CNTN6: variants seen among roughly 807,000 people sequenced by gnomAD.
The protein encoded by CNTN6 is contactin 6.
CNTN6 carries 137 observed loss-of-function variants against 122.8 expected under a neutral mutation model. The ratio of observed to expected loss-of-function variants is 1.12; its 90% CI spans 0.97 to 1.29. The LOEUF (loss-of-function observed/expected upper bound fraction) is 1.29. CNTN6 is among the 50% of genes most tolerant of loss of function. The pLI is 0.00. For missense variants in CNTN6, 1,634 were observed against 1,223.4 expected (o/e 1.34, Z -5.01); for synonymous variants, 570 against 426.0 (o/e 1.34, Z -4.16).
At chr3:1,192,954 A>G (rs1356150430) in intron 2 of CNTN6, among the ~76,000 whole-genome samples, 5 of 152,158 alleles carry the variant, frequency 3.3e-5, no homozygotes, top group African/African-American at 1.2e-4. Flanking sequence ...TAAGTGCATA[A>G]GAATCCTAGG....
At chr3:1,282,863 T>C (rs1693706183) in intron 5 of CNTN6, among the ~76,000 whole-genome samples, 1 of 152,200 alleles carries the variant, frequency 6.6e-6, no homozygotes, top group South Asian at 2.1e-4. Flanking sequence ...TCTCAGTGCT[T>C]GGCAGAACGA....
At chr3:1,364,114 G>A (rs1333758054) in intron 12 of CNTN6, among the ~76,000 whole-genome samples, 1 of 151,898 alleles carries the variant, frequency 6.6e-6, no homozygotes, top group African/African-American at 2.4e-5. Context: ...CATGTATATA[G>A]AGGAAGTAAT....
intron 2 of CNTN6, among the ~76,000 whole-genome samples, chr3:1,198,123 C>G (rs2093805179): frequency 6.6e-6 from 1 of 152,108 alleles, no homozygotes; most frequent in South Asian, 2.1e-4. Context: ...CTATGAAGCA[C>G]TTGAGACTTG....
At chr3:1,316,873 G>A (rs1488657403) in intron 7 of CNTN6, among the ~76,000 whole-genome samples, 1 of 151,876 alleles carries the variant, frequency 6.6e-6, no homozygotes, top group Non-Finnish European at 1.5e-5. Context: ...TCAGAAAAGA[G>A]AAATGGTGTC....
chr3:1,292,031 AT>A (rs1169214033), intron 5 of CNTN6, among the ~76,000 whole-genome samples: 1 of 151,462 alleles, frequency 6.6e-6, no homozygotes, highest in East Asian at 1.9e-4. Flanking sequence ...CGTCAAAACA[AT>A]TTTTTTTTGC....
chr3:1,152,114 ATTTAT>A (rs1181271583), intron 2 of CNTN6, among the ~76,000 whole-genome samples: 3 of 151,580 alleles, frequency 2.0e-5, no homozygotes, highest in African/African-American at 7.3e-5. Flanking sequence ...GAAATATTTT[ATTTAT>A]TTATATATTT....
intron 1 of CNTN6, among the ~76,000 whole-genome samples, chr3:1,133,583 T>C (rs1324912109): frequency 1.3e-5 from 2 of 152,192 alleles, no homozygotes; most frequent in Admixed American, 1.3e-4. Context: ...CTGTATAGCA[T>C]GGACTCAGCT....
intron 7 of CNTN6, among the ~76,000 whole-genome samples, chr3:1,311,036 C>T (rs1293034710): frequency 6.6e-6 from 1 of 151,770 alleles, no homozygotes; most frequent in Non-Finnish European, 1.5e-5. Context: ...GAGCTGAGGG[C>T]AGGCAAGGAA....
chr3:1,312,822 T>G (rs1256258660), intron 7 of CNTN6, among the ~76,000 whole-genome samples: 3 of 151,964 alleles, frequency 2.0e-5, no homozygotes, highest in South Asian at 2.1e-4. Context: ...CTTTTTTTTT[T>G]TTTTTTAATT....
At chr3:1,322,550 T>C (rs1315378959) in intron 8 of CNTN6, among the ~76,000 whole-genome samples, 1 of 151,756 alleles carries the variant, frequency 6.6e-6, no homozygotes, top group African/African-American at 2.4e-5. Flanking sequence ...AGATAATTTT[T>C]AAAAAGTATT....
At chr3:1,219,066 T>C (rs1269844960) in intron 2 of CNTN6, among the ~76,000 whole-genome samples, 1 of 152,214 alleles carries the variant, frequency 6.6e-6, no homozygotes, top group South Asian at 2.1e-4. Context: ...ATAAGAAACC[T>C]TGGATTCACA....
chr3:1,119,322 C>CGTGTGTGTGTGTGTGTGTGTGTGTGTGT lies in CNTN6; in HGVS notation c.-83+26206_-83+26233dup, dbSNP rs369235352. ...ATTTGAGAAAGAATAACAGAAAAAT[C>CGTGTGTGTGTGTGTGTGTGTGTGTGTGT]GTGTGTGTGTGTGTGTGTGTGTGTG... is the stretch of plus-strand genomic sequence containing the variant. On this transcript the variant is annotated intron_variant, in intron 1 of 22. Transcript: ENST00000446702. Among the ~76,000 whole-genome samples the CGTGTGTGTGTGTGTGTGTGTGTGTGTGT allele has an allele frequency of 5.1e-3, 645 of 126,536 alleles. 14 individuals are homozygous for CGTGTGTGTGTGTGTGTGTGTGTGTGTGT. The highest frequency in any genetic ancestry group is 8.6e-3 in the African/African-American group (279 of 32,610). 83.0% of individuals were successfully genotyped at this position (126,536 alleles called of 152,430 possible). A position where few individuals can be genotyped will look rare whatever the true frequency, so the allele number is the denominator to read the frequency against.
At chr3:1,093,650 A>G (rs1424522264) in intron 1 of CNTN6, among the ~76,000 whole-genome samples, 1 of 152,034 alleles carries the variant, frequency 6.6e-6, no homozygotes. Context: ...GCAAGACTGG[A>G]GGTCATATGG....
Position 1,295,643 on chromosome 3 carries a change from T to G in CNTN6, c.497T>G (p.Val166Gly). The G allele has an allele frequency of 6.2e-7, 1 of 1,613,902 alleles. No individual in the cohort carries two copies. The highest frequency in any genetic ancestry group is 1.6e-4 in the Middle Eastern group (1 of 6,062). Residue 166 changes from valine (V) to glycine (G), a missense_variant, in exon 6 of 23, where the codon GTC becomes GGC. Physicochemically the swap from Val to Gly is moderately radical, Grantham distance 109. Coordinates refer to ENST00000446702, the MANE Select transcript of CNTN6 (RefSeq NM_001289080.2). Reference protein sequence around the residue: ...AWTFNDNPLYVQEDNRRFVSQ... With the variant: ...AWTFNDNPLYGQEDNRRFVSQ... ...ACCTTCAATGATAACCCCTTATACG[T>G]CCAAGAGGACAATAGGCGATTTGTA...
intron 7 of CNTN6, among the ~76,000 whole-genome samples, chr3:1,313,955 G>A (rs970696798): frequency 1.3e-5 from 2 of 151,942 alleles, no homozygotes; most frequent in Non-Finnish European, 2.9e-5. Context: ...CCACTATGAA[G>A]GCTCTATCTT....
chr3:1,220,521 A>C (rs759395520), intron 2 of CNTN6, among the ~76,000 whole-genome samples, 166 bp from the exon 3 acceptor site: 58 of 152,268 alleles, frequency 3.8e-4, no homozygotes, highest in Non-Finnish European at 7.5e-4. Context: ...ATTGGTTTAC[A>C]AGAGAAAAAA....
intron 1 of CNTN6, among the ~76,000 whole-genome samples, chr3:1,113,442 A>G: frequency 1.3e-5 from 2 of 152,334 alleles, no homozygotes; most frequent in South Asian, 4.1e-4. Flanking sequence ...AAATTATCAT[A>G]TGAAAAATGT....
chr3:1,372,433 G>C lies in CNTN6; in HGVS notation c.1627G>C (p.Asp543His), dbSNP rs376637146. 2.4e-5 allele frequency: 38 copies of C among 1,612,186 alleles called. No individual in the cohort carries two copies. Among genetic ancestry groups the C allele is most frequent in the Non-Finnish European group, 3.2e-5 (38 of 1,179,246 alleles). The change falls in exon 13 of 23, where the codon GAC (aspartate) becomes CAC (histidine). Residue 543 changes from aspartate to histidine, a missense_variant. Transcript: ENST00000446702. ...ATGGTTTTTCAATGGAGATGTCATA[G>C]ACTTAAAAAAAGGAGTGGCTCATTT... is the stretch of plus-strand genomic sequence containing the variant. ...FVWFFNGDVIDLKKGVAHFER... is the reference protein window; with the variant it reads ...FVWFFNGDVIHLKKGVAHFER...
chr3:1,281,274 C>T (rs1029656072), intron 5 of CNTN6, among the ~76,000 whole-genome samples: 1 of 152,048 alleles, frequency 6.6e-6, no homozygotes, highest in Non-Finnish European at 1.5e-5. Context: ...TATTTCCTAC[C>T]ACACATGGCT....
Sources: gnomAD v4.1 joint callset for allele counts (sites outside exome capture counted in the v4.1 genomes callset) on GRCh38, gnomAD v4.1.1 for gene constraint, MANE v1.5 for transcripts, NCBI Gene and HGNC (gene_info 2026-07-23, HGNC 2026-07-21) for gene names.